LGALSL: variants seen among roughly 807,000 people sequenced by gnomAD.
LGALSL encodes the protein galectin like.
Under a neutral mutation model 19.5 loss-of-function variants are expected in LGALSL, and 13 were observed. That is an observed-to-expected ratio of 0.67 (90% CI 0.43 to 1.06). The LOEUF is 1.06. LGALSL is among the 50% of genes least tolerant of loss of function. The probability of loss-of-function intolerance (pLI) is 0.00; values close to 1 mark genes in which losing one functional copy is unlikely to be tolerated. For synonymous variants in LGALSL, 86 were observed against 78.3 expected, an observed-to-expected ratio of 1.10 and a Z score of -0.52; for missense variants, 189 against 219.3, an observed-to-expected ratio of 0.86 and a Z score of 0.87.
At position 64,461,045 on chromosome 2, in the gene LGALSL, T is replaced by G. The variant is rs952309520; in HGVS notation, c.*2617T>G. 6.6e-6 allele frequency: 1 copy of G among 152,220 alleles called. No individual in the cohort carries two copies. The highest frequency in any genetic ancestry group is 1.5e-5 in the Non-Finnish European group (1 of 68,038). The allele number at this position is 152,220 out of a possible 1,614,324, so 9.4% of individuals were successfully genotyped here. Reference sequence around the variant, plus strand: ...TATTCCAGAAGTATTTTAAAATTATTATTTAAAATTTTGAAGCCCCATTTC... The same window carrying G: ...TATTCCAGAAGTATTTTAAAATTATGATTTAAAATTTTGAAGCCCCATTTC... On this transcript the variant is annotated 3_prime_UTR_variant, in exon 5 of 5. Transcript: ENST00000238875.
Position 64,459,909 on chromosome 2 carries a change from A to G in LGALSL, c.*1481A>G, listed in dbSNP as rs1445212662. 2 of 152,168 alleles carry G rather than the reference A, an allele frequency of 1.3e-5. No individual in the cohort carries two copies. The highest frequency in any genetic ancestry group is 4.8e-5 in the African/African-American group (2 of 41,432). 9.4% of individuals were successfully genotyped at this position (152,168 alleles called of 1,614,324 possible). On this transcript the variant is annotated 3_prime_UTR_variant, in exon 5 of 5. Coordinates refer to ENST00000238875, the MANE Select transcript of LGALSL (RefSeq NM_014181.3). ...TGCTTTGATCAGGTAGTGAGGGAAG[A>G]CAGGGTTCTGGGGTGGGGGTGTATT...
At position 64,454,451 on chromosome 2, in the gene LGALSL, C is replaced by A; in HGVS notation, c.-95C>A. The A allele has an allele frequency of 2.7e-5, 17 of 636,868 alleles. No homozygotes were observed. The highest frequency in any genetic ancestry group is 3.2e-5 in the Non-Finnish European group (15 of 473,332). The allele number at this position is 636,868 out of a possible 1,614,324, so 39.5% of individuals were successfully genotyped here. A position where few individuals can be genotyped will look rare whatever the true frequency, so the allele number is the denominator to read the frequency against. On this transcript the variant is annotated 5_prime_UTR_variant, in exon 1 of 5. Transcript: ENST00000238875. The surrounding 1 kb of genome is among the most constrained non-coding windows in gnomAD (Gnocchi z 5.1). ...TGTGTGCGCGCGCCCGCCGCCAGCT[C>A]GGACCCGCGCCCCCGCCCCCGCCCC...
intron 4 of LGALSL, among the ~76,000 whole-genome samples, chr2:64,457,670 G>GAATCCATGATTTTTGC (rs1252523713): frequency 2.6e-5 from 4 of 152,142 alleles, no homozygotes; most frequent in African/African-American, 7.2e-5. Flanking sequence ...GGGAAAATAA[G>GAATCCATGATTTTTGC]AATCCATGAT....
Position 64,460,661 on chromosome 2 carries a change from G to T in LGALSL, c.*2233G>T, listed in dbSNP as rs554730381. 2 of 152,246 alleles carry T rather than the reference G, an allele frequency of 1.3e-5. No homozygotes were observed. The highest frequency in any genetic ancestry group is 3.9e-4 in the East Asian group (2 of 5,178). The allele number at this position is 152,246 out of a possible 1,614,324, so 9.4% of individuals were successfully genotyped here. On this transcript the variant is annotated 3_prime_UTR_variant, in exon 5 of 5. Transcript: ENST00000238875. ...GGGAACCGCTTGGATAAGCCTATTGGGATTAATCTAAATGATGTGATGATT... is the reference window on the plus strand; with the variant it reads ...GGGAACCGCTTGGATAAGCCTATTGTGATTAATCTAAATGATGTGATGATT...
intron 4 of LGALSL, among the ~76,000 whole-genome samples, chr2:64,457,628 A>G (rs1025936359): frequency 6.6e-6 from 1 of 152,218 alleles, no homozygotes; most frequent in Admixed American, 6.5e-5. Flanking sequence ...CTCATGAAGA[A>G]GTAATTCTTT....
intron 3 of LGALSL, 143 bp from the exon 4 acceptor site, chr2:64,456,145 C>A (rs984829070): frequency 6.3e-6 from 4 of 637,668 alleles, no homozygotes; most frequent in Non-Finnish European, 1.1e-5. Flanking sequence ...TGACTTACTT[C>A]TCCATAATCT....
intron 3 of LGALSL, 138 bp downstream of exon 3, chr2:64,455,815 C>T (rs1447701549): frequency 1.5e-6 from 1 of 684,854 alleles, no homozygotes; most frequent in Non-Finnish European, 2.7e-6. Context: ...TACCATGTTC[C>T]CATGAAACGA....
chr2:64,455,574 T>C lies in LGALSL; in HGVS notation c.109-15T>C. On this transcript the variant is annotated splice_polypyrimidine_tract_variant and intron_variant, in intron 2 of 4. Transcript: ENST00000238875. ...CAGGCTGTAAAATTCATTTTTCTTC[T>C]CCCACCCTTTTCAGATAGTTCCATT... The C allele has an allele frequency of 6.2e-7, 1 of 1,610,338 alleles. No homozygotes were observed. The highest frequency in any genetic ancestry group is 8.5e-7 in the Non-Finnish European group (1 of 1,176,556).
At chr2:64,455,210 G>C in intron 1 of LGALSL, 134 bp from the exon 2 acceptor site, 1 of 712,360 alleles carries the variant, frequency 1.4e-6, no homozygotes, top group East Asian at 2.5e-5. Flanking sequence ...TCTAAGAGAC[G>C]GTGAAGAGGC....
At position 64,459,317 on chromosome 2, in the gene LGALSL, A is replaced by G. The variant is rs1686782185; in HGVS notation, c.*889A>G. ...TAATTATTTCTCTCTTGATTTATAT[A>G]ATAGCTCATTAAGTTGTTATTAATC... On this transcript the variant is annotated 3_prime_UTR_variant, in exon 5 of 5. Coordinates refer to ENST00000238875, the MANE Select transcript of LGALSL (RefSeq NM_014181.3). 6.6e-6 allele frequency: 1 copy of G among 152,226 alleles called. No homozygotes were observed. 9.4% of individuals were successfully genotyped at this position (152,226 alleles called of 1,614,324 possible).
At position 64,454,402 on chromosome 2, in the gene LGALSL, GGCGCGCGC is replaced by G. The variant is rs1297627312; in HGVS notation, c.-135_-128del. Reference sequence around the variant, plus strand: ...CCTGCCAGGTCGGCGCCGGGCCCCGGGCGCGCGCGCGCGCGCCCCCTCGTGTGTGCGCG... The same window carrying G: ...CCTGCCAGGTCGGCGCCGGGCCCCGGGCGCGCGCCCCCTCGTGTGTGCGCG... On this transcript the variant is annotated 5_prime_UTR_variant, in exon 1 of 5. Transcript: ENST00000238875. The surrounding 1 kb of genome is among the most constrained non-coding windows in gnomAD (Gnocchi z 5.1). 3 of 379,738 alleles carry G rather than the reference GGCGCGCGC, an allele frequency of 7.9e-6. No individual in the cohort carries two copies. Among genetic ancestry groups the G allele is most frequent in the Non-Finnish European group, 1.4e-5 (3 of 219,602 alleles). The allele number at this position is 379,738 out of a possible 1,614,324, so 23.5% of individuals were successfully genotyped here. A position where few individuals can be genotyped will look rare whatever the true frequency, so the allele number is the denominator to read the frequency against.
chr2:64,458,630 T>A lies in LGALSL; in HGVS notation c.*202T>A, dbSNP rs529557221. ...ATTATACCCAGAATAAAATAATACA[T>A]TTATGCTGGATTTTATTCAGACCAA... On this transcript the variant is annotated 3_prime_UTR_variant, in exon 5 of 5. Coordinates refer to ENST00000238875, the MANE Select transcript of LGALSL (RefSeq NM_014181.3). 537 of 445,012 alleles carry A rather than the reference T, an allele frequency of 1.2e-3. 11 individuals are homozygous for A. The South Asian group carries it at 0.025, about 20-fold the overall frequency. 27.6% of individuals were successfully genotyped at this position (445,012 alleles called of 1,614,324 possible). A position where few individuals can be genotyped will look rare whatever the true frequency, so the allele number is the denominator to read the frequency against.
chr2:64,454,466 G>C lies in LGALSL; in HGVS notation c.-80G>C. The C allele has an allele frequency of 1.6e-6, 1 of 613,134 alleles. No homozygotes were observed. Among genetic ancestry groups the C allele is most frequent in the South Asian group, 7.8e-5 (1 of 12,770 alleles). 38.0% of individuals were successfully genotyped at this position (613,134 alleles called of 1,614,324 possible). A position where few individuals can be genotyped will look rare whatever the true frequency, so the allele number is the denominator to read the frequency against. ...GCCGCCAGCTCGGACCCGCGCCCCC[G>C]CCCCCGCCCCGCGCAGGACAGCCCC... On this transcript the variant is annotated 5_prime_UTR_variant, in exon 1 of 5. Transcript: ENST00000238875. The surrounding 1 kb of genome is among the most constrained non-coding windows in gnomAD (Gnocchi z 5.1).
Position 64,460,714 on chromosome 2 carries a change from G to C in LGALSL, c.*2286G>C, listed in dbSNP as rs1686813116. The C allele has an allele frequency of 6.6e-6, 1 of 152,306 alleles. No homozygotes were observed. The highest frequency in any genetic ancestry group is 1.9e-4 in the East Asian group (1 of 5,190). 9.4% of individuals were successfully genotyped at this position (152,306 alleles called of 1,614,324 possible). A position where few individuals can be genotyped will look rare whatever the true frequency, so the allele number is the denominator to read the frequency against. ...ATTCAGGTATAGCCCAAATTAGTAA[G>C]GGGCTTTAGCTGTAAACTGAAAACA... On this transcript the variant is annotated 3_prime_UTR_variant, in exon 5 of 5. Coordinates refer to ENST00000238875, the MANE Select transcript of LGALSL (RefSeq NM_014181.3).
chr2:64,459,541 A>T lies in LGALSL; in HGVS notation c.*1113A>T, dbSNP rs2103711405. 6.6e-6 allele frequency: 1 copy of T among 152,336 alleles called. No homozygotes were observed. The highest frequency in any genetic ancestry group is 1.5e-5 in the Non-Finnish European group (1 of 68,030). 9.4% of individuals were successfully genotyped at this position (152,336 alleles called of 1,614,324 possible). On this transcript the variant is annotated 3_prime_UTR_variant, in exon 5 of 5. Coordinates refer to ENST00000238875, the MANE Select transcript of LGALSL (RefSeq NM_014181.3). Reference sequence around the variant, plus strand: ...CTTTTCTTATGTGACCCTCACCAATATCCCTAAGTAATGCCTTTGGAAGCT... The same window carrying T: ...CTTTTCTTATGTGACCCTCACCAATTTCCCTAAGTAATGCCTTTGGAAGCT...
rs576991654 is a variant in LGALSL, at chr2:64,454,853, A to G, written c.36+272A>G. Among the ~76,000 whole-genome samples the G allele has an allele frequency of 7.4e-5, 11 of 149,512 alleles. No individual in the cohort carries two copies. The East Asian group carries it at 8.4e-4, about 11-fold the overall frequency. ...CCGACAGCCCCCTCTGTGCCGTGCAACCGCCAGCCAGGTGTGCGCGTGGGT... is the reference window on the plus strand; with the variant it reads ...CCGACAGCCCCCTCTGTGCCGTGCAGCCGCCAGCCAGGTGTGCGCGTGGGT... On this transcript the variant is annotated intron_variant, in intron 1 of 4. Coordinates refer to ENST00000238875, the MANE Select transcript of LGALSL (RefSeq NM_014181.3). The surrounding 1 kb of genome is among the most constrained non-coding windows in gnomAD (Gnocchi z 5.1).
At position 64,454,577 on chromosome 2, in the gene LGALSL, T is replaced by C; in HGVS notation, c.32T>C (p.Val11Ala). 6.9e-7 allele frequency: 1 copy of C among 1,445,550 alleles called. No individual in the cohort carries two copies. Among genetic ancestry groups the C allele is most frequent in the South Asian group, 1.4e-5 (1 of 72,824 alleles). 89.5% of individuals were successfully genotyped at this position (1,445,550 alleles called of 1,614,324 possible). A position where few individuals can be genotyped will look rare whatever the true frequency, so the allele number is the denominator to read the frequency against. Residue 11 changes from valine (V) to alanine (A), a missense_variant, in exon 1 of 5, where the codon GTG becomes GCG. Physicochemically the swap from Val to Ala is moderately conservative, Grantham distance 64. Coordinates refer to ENST00000238875, the MANE Select transcript of LGALSL (RefSeq NM_014181.3). This position sits in a 1 kb window ranked among gnomAD's most constrained non-coding sequence, Gnocchi z 5.1. ...GGATCAGTGGCCGACAGCGATGCCG[T>C]GGTGGTGAGTGTGGCAGGGCGCGCG... is the stretch of plus-strand genomic sequence containing the variant. MAGSVADSDA[V>A]VKLDDGHLNN...
chr2:64,454,739 C>T lies in LGALSL; in HGVS notation c.36+158C>T, dbSNP rs1225385133. On this transcript the variant is annotated intron_variant, in intron 1 of 4. Coordinates refer to ENST00000238875, the MANE Select transcript of LGALSL (RefSeq NM_014181.3). The surrounding 1 kb of genome is among the most constrained non-coding windows in gnomAD (Gnocchi z 5.1). ...TACCTGTTAGCAGCCGCTGGCTGCG[C>T]GCGGCCGGTGTTAGGGGCTGGAGAG... 1.3e-5 allele frequency among the ~76,000 whole-genome samples: 2 copies of T among 152,126 alleles called. No individual in the cohort carries two copies. The highest frequency in any genetic ancestry group is 2.4e-5 in the African/African-American group (1 of 41,550).
At chr2:64,457,607 T>A (rs1404307428) in intron 4 of LGALSL, among the ~76,000 whole-genome samples, 2 of 152,148 alleles carry the variant, frequency 1.3e-5, no homozygotes, top group African/African-American at 4.8e-5. Flanking sequence ...CATCTAGAAA[T>A]TTTCAAGTGC....
Sources: gnomAD v4.1 joint callset for allele counts (sites outside exome capture counted in the v4.1 genomes callset) on GRCh38, gnomAD v4.1.1 for gene constraint, Gnocchi (gnomAD v3.1) non-coding constraint, MANE v1.5 for transcripts, NCBI Gene and HGNC (gene_info 2026-07-23, HGNC 2026-07-21) for gene names.